Variants in TMEM114 observed in about 807,000 individuals in gnomAD.
The protein encoded by TMEM114 is transmembrane protein 114, also known as claudin-26.
In TMEM114, 6 loss-of-function variants were observed where a neutral mutation model predicts 6.2. The ratio of observed to expected loss-of-function variants is 0.97; its 90% confidence interval spans 0.53 to 1.91. The LOEUF is 1.91. Ranked by LOEUF, TMEM114 falls within the 40% of genes most tolerant of loss-of-function variation. TMEM114 has a pLI of 0.01. For missense variants in TMEM114, 218 were observed against 158.3 expected, an observed-to-expected ratio of 1.38 and a Z score of -2.02; for synonymous variants, 104 against 73.0, an observed-to-expected ratio of 1.42 and a Z score of -2.16.
intron 2 of TMEM114, among the ~76,000 whole-genome samples, chr16:8,557,257 C>T (rs559128591): frequency 3.9e-5 from 6 of 152,216 alleles, no homozygotes; most frequent in Admixed American, 1.3e-4. Context: ...CAAAAGGTAA[C>T]ACAACTTCCA....
At chr16:8,530,900 A>G in the TMEM114 span, among the ~76,000 whole-genome samples, 1 of 152,034 alleles carries the variant, frequency 6.6e-6, no homozygotes, top group Non-Finnish European at 1.5e-5. Context: ...TGGCATACGC[A>G]TATAATCCCA....
rs75392882 is a variant in TMEM114, at chr16:8,580,747, G to A, written c.301+8466C>T. Reference sequence around the variant, plus strand: ...ACTCTGACACCCAGGCTGAAGTGCCGTGGGCCTTATCTCGGCTCACTGCAA... The same window carrying A: ...ACTCTGACACCCAGGCTGAAGTGCCATGGGCCTTATCTCGGCTCACTGCAA... On this transcript the variant is annotated intron_variant, in intron 2 of 3. Transcript: ENST00000620492. Among the ~76,000 whole-genome samples, 1,064 of 152,146 alleles carry A rather than the reference G, an allele frequency of 7.0e-3. 5 individuals carry two copies. Among genetic ancestry groups the A allele is most frequent in the Non-Finnish European group, 0.012 (830 of 68,012 alleles).
At chr16:8,547,054 A>G (rs1900690014) in intron 2 of TMEM114, among the ~76,000 whole-genome samples, 1 of 152,232 alleles carries the variant, frequency 6.6e-6, no homozygotes, top group African/African-American at 2.4e-5. Flanking sequence ...TCCAGTCTGC[A>G]TATAATGGTT....
chr16:8,554,266 A>C (rs1341311121), intron 2 of TMEM114, among the ~76,000 whole-genome samples: 1 of 151,360 alleles, frequency 6.6e-6, no homozygotes, highest in African/African-American at 2.4e-5. Context: ...AGGGAAAAAA[A>C]GGGGTAGGGG....
rs924418609 is a variant in TMEM114 at position 8,569,515 on chromosome 16, G to T, written c.*258C>A. 3.5e-5 allele frequency: 49 copies of T among 1,384,488 alleles called. No individual in the cohort carries two copies. Among genetic ancestry groups the T allele is most frequent in the Non-Finnish European group, 4.3e-5 (46 of 1,069,926 alleles). The allele number at this position is 1,384,488 out of a possible 1,614,324, so 85.8% of individuals were successfully genotyped here. A position where few individuals can be genotyped will look rare whatever the true frequency, so the allele number is the denominator to read the frequency against. ...AAGCTCTGTGTGTGATTAAAGGATC[G>T]TTTTTATTTCTCGCGAAGCGGTTTG... On this transcript the variant is annotated 3_prime_UTR_variant, in exon 4 of 4. Coordinates refer to ENST00000620492, the MANE Select transcript of TMEM114 (RefSeq NM_001146336.2).
At chr16:8,578,063 C>T (rs1423654746) in intron 2 of TMEM114, among the ~76,000 whole-genome samples, 1 of 152,106 alleles carries the variant, frequency 6.6e-6, no homozygotes, top group African/African-American at 2.4e-5. Context: ...AGCAAGGAAA[C>T]AAAGATCATT....
intron 2 of TMEM114, among the ~76,000 whole-genome samples, chr16:8,539,188 GCTGAATAAA>G (rs1900447854): frequency 6.6e-6 from 1 of 152,148 alleles, no homozygotes; most frequent in African/African-American, 2.4e-5. Flanking sequence ...GGTGTGCGGT[GCTGAATAAA>G]CGTTTGAGGA....
In TMEM114 at chr16:8,572,157, C is replaced by A; in HGVS notation, c.369G>T (p.Thr123=). The change falls in exon 3 of 4, where the codon ACG becomes ACT. Residue 123 remains threonine, a synonymous_variant. Transcript: ENST00000620492. ...SLILMVFGGM[T]GFLSFLLQAY... is the part of the protein sequence containing the mutation. Reference sequence around the variant, plus strand: ...CTTGGAGGAGGAAGCTCAGAAACCCCGTCATCCCCCCAAAAACCATCAGGA... The same window carrying A: ...CTTGGAGGAGGAAGCTCAGAAACCCAGTCATCCCCCCAAAAACCATCAGGA... 3 of 1,551,556 alleles carry A rather than the reference C, an allele frequency of 1.9e-6. No individual in the cohort carries two copies. The highest frequency in any genetic ancestry group is 2.6e-6 in the Non-Finnish European group (3 of 1,146,956).
chr16:8,583,403 C>G (rs1902217957), intron 2 of TMEM114, among the ~76,000 whole-genome samples: 1 of 152,168 alleles, frequency 6.6e-6, no homozygotes, highest in Admixed American at 6.5e-5. Context: ...TATGTGATCT[C>G]ATTTCATCTT....
In TMEM114 at chr16:8,572,227, T is replaced by A; in HGVS notation, c.302-3A>T. 1.3e-6 allele frequency: 2 copies of A among 1,551,634 alleles called. No individual in the cohort carries two copies. Among genetic ancestry groups the A allele is most frequent in the Non-Finnish European group, 1.7e-6 (2 of 1,146,984 alleles). On this transcript the variant is annotated splice_region_variant and splice_polypyrimidine_tract_variant and intron_variant, in intron 2 of 3. Transcript: ENST00000620492. Reference sequence around the variant, plus strand: ...AATCACAAATGTCCCATGCATGGCTTAGAAGAGACAGAGAGGATACCAGGC... The same window carrying A: ...AATCACAAATGTCCCATGCATGGCTAAGAAGAGACAGAGAGGATACCAGGC...
chr16:8,530,955 C>T, the TMEM114 span, among the ~76,000 whole-genome samples: 4 of 151,716 alleles, frequency 2.6e-5, no homozygotes, highest in Non-Finnish European at 5.9e-5. Flanking sequence ...AAGTGGGAGG[C>T]GGAGTTTGCA....
chr16:8,546,700 C>T (rs529162455), intron 2 of TMEM114, among the ~76,000 whole-genome samples: 1 of 152,212 alleles, frequency 6.6e-6, no homozygotes, highest in South Asian at 2.1e-4. Context: ...GATACCCCTA[C>T]CAGATCACAG....
At chr16:8,530,155 T>C in the TMEM114 span, among the ~76,000 whole-genome samples, 3 of 152,318 alleles carry the variant, frequency 2.0e-5, no homozygotes, top group East Asian at 5.8e-4. Context: ...TTGCCTCCAA[T>C]TTCTCATCTC....
At chr16:8,559,111 C>G (rs892523766) in intron 2 of TMEM114, among the ~76,000 whole-genome samples, 7 of 152,026 alleles carry the variant, frequency 4.6e-5, no homozygotes, top group Non-Finnish European at 8.8e-5. Flanking sequence ...GGCATGATCT[C>G]GGCTCACTGC....
chr16:8,576,569 A>G (rs1363209516), intron 2 of TMEM114, among the ~76,000 whole-genome samples: 6 of 152,230 alleles, frequency 3.9e-5, no homozygotes, highest in Non-Finnish European at 7.3e-5. Flanking sequence ...ATCAAAGGCC[A>G]GCAGGACCTG....
In TMEM114 at chr16:8,547,158, G is replaced by A. The variant is rs184383970; in HGVS notation, n.213-9332C>T. On this transcript the variant is annotated intron_variant and non_coding_transcript_variant, in intron 2 of 2. Coordinates refer to the TMEM114 transcript ENST00000623677. ...CAAATACGGCTGGGGGAAAAGGGGG[G>A]TCGTCAAGGAATTTTTGAGCTGAAA... Among the ~76,000 whole-genome samples, 1,518 of 152,252 alleles carry A rather than the reference G, an allele frequency of 1.0e-2. 12 individuals are homozygous for A. Among genetic ancestry groups the A allele is most frequent in the Non-Finnish European group, 0.012 (823 of 68,014 alleles).
chr16:8,580,222 C>T (rs1264293946), intron 2 of TMEM114, among the ~76,000 whole-genome samples: 1 of 152,192 alleles, frequency 6.6e-6, no homozygotes, highest in Non-Finnish European at 1.5e-5. Flanking sequence ...CGGCACGATG[C>T]ATGCCTGTAA....
intron 2 of TMEM114, among the ~76,000 whole-genome samples, chr16:8,577,170 G>C (rs1030535252): frequency 4.6e-5 from 7 of 152,256 alleles, no homozygotes; most frequent in Admixed American, 3.9e-4. Flanking sequence ...GACCATAGCA[G>C]ATGACTTGGG....
intron 2 of TMEM114, among the ~76,000 whole-genome samples, chr16:8,557,099 T>C (rs1451032991): frequency 6.6e-6 from 1 of 152,216 alleles, no homozygotes; most frequent in Non-Finnish European, 1.5e-5. Context: ...AACGTGGCTC[T>C]AGCAGCTCTC....
Sources: gnomAD v4.1 joint callset for allele counts (sites outside exome capture counted in the v4.1 genomes callset) on GRCh38, gnomAD v4.1.1 for gene constraint, MANE v1.5 for transcripts, NCBI Gene and HGNC (gene_info 2026-07-23, HGNC 2026-07-21) for gene names.